MTMR2: variants seen among roughly 807,000 people sequenced by gnomAD.
The protein encoded by MTMR2 is phosphatidylinositol-3,5-bisphosphate 3-phosphatase MTMR2.
A neutral mutation model predicts 86.9 loss-of-function variants in MTMR2; 55 were observed. The observed-to-expected ratio is 0.63, with a 90% confidence interval of 0.51 to 0.79. The LOEUF (loss-of-function observed/expected upper bound fraction) is 0.79, where lower values mean the gene tolerates loss of function less well. Among genes scored for constraint, MTMR2 ranks in the 30% least tolerant of loss-of-function variants. MTMR2 has a pLI of 0.00. For synonymous variants in MTMR2, 241 were observed against 266.8 expected (o/e 0.90, Z 0.94); for missense variants, 659 against 772.3 (o/e 0.85, Z 1.74).
chr11:95,922,751 C>T (rs184269095), intron 1 of MTMR2, among the ~76,000 whole-genome samples: 70 of 152,278 alleles, frequency 4.6e-4, no homozygotes, highest in African/African-American at 1.6e-3. Flanking sequence ...GCTATGAGTG[C>T]ATATGGCAAT....
At chr11:95,870,783 T>C (rs949432676) in intron 2 of MTMR2, among the ~76,000 whole-genome samples, 2 of 149,128 alleles carry the variant, frequency 1.3e-5, no homozygotes, top group African/African-American at 5.1e-5. Context: ...ATGTGCACAA[T>C]GTGCAGGTTT....
intron 7 of MTMR2, among the ~76,000 whole-genome samples, chr11:95,851,211 C>T (rs919986780): frequency 5.9e-5 from 9 of 151,524 alleles, no homozygotes; most frequent in South Asian, 2.1e-4. Context: ...TACAGCCGTA[C>T]GCCACCATGC....
At chr11:95,921,504 G>C (rs555630347) in intron 1 of MTMR2, among the ~76,000 whole-genome samples, 3 of 152,322 alleles carry the variant, frequency 2.0e-5, no homozygotes, top group African/African-American at 7.2e-5. Flanking sequence ...GACCAAAGCA[G>C]GCCACACTGG....
chr11:95,864,968 A>T (rs901021893), intron 3 of MTMR2, among the ~76,000 whole-genome samples: 2 of 152,154 alleles, frequency 1.3e-5, no homozygotes, highest in Admixed American at 1.3e-4. Context: ...AGAGTTTATG[A>T]GTAGATATCT....
intron 1 of MTMR2, among the ~76,000 whole-genome samples, chr11:95,906,648 G>C (rs564112562): frequency 1.3e-5 from 2 of 152,184 alleles, no homozygotes; most frequent in South Asian, 4.1e-4. Context: ...ATAAAACAAT[G>C]CTCAACAAAT....
At position 95,924,012 on chromosome 11, in the gene MTMR2, G is replaced by A. The variant is rs188381103; in HGVS notation, c.-58C>T. The A allele has an allele frequency of 3.2e-6, 5 of 1,545,386 alleles. No individual in the cohort carries two copies. The highest frequency in any genetic ancestry group is 1.9e-4 in the Middle Eastern group (1 of 5,264). ...AGCAGTCTTCGCGGCTACAGGGCGGGAGAAGCGGAGGGCGGAGTGCTACGG... is the reference window on the plus strand; with the variant it reads ...AGCAGTCTTCGCGGCTACAGGGCGGAAGAAGCGGAGGGCGGAGTGCTACGG... On this transcript the variant is annotated 5_prime_UTR_variant, in exon 1 of 15. Transcript: ENST00000346299.
chr11:95,897,508 T>G (rs1042246528), intron 1 of MTMR2, among the ~76,000 whole-genome samples: 1 of 152,120 alleles, frequency 6.6e-6, no homozygotes, highest in Non-Finnish European at 1.5e-5. Context: ...GGAAATTAAA[T>G]CCAACAACTA....
intron 1 of MTMR2, among the ~76,000 whole-genome samples, chr11:95,921,180 C>G (rs1866907769): frequency 6.6e-6 from 1 of 152,114 alleles, no homozygotes; most frequent in African/African-American, 2.4e-5. Context: ...ATAATTTTTT[C>G]TATAAATAAT....
chr11:95,914,542 T>C (rs370250290), intron 1 of MTMR2, among the ~76,000 whole-genome samples: 1 of 152,096 alleles, frequency 6.6e-6, no homozygotes, highest in Non-Finnish European at 1.5e-5. Flanking sequence ...AATGATACTA[T>C]CCTCTTAATC....
chr11:95,840,121 A>G (rs1863480242), intron 12 of MTMR2: 1 of 152,170 alleles, frequency 6.6e-6, no homozygotes, highest in Non-Finnish European at 1.5e-5. Context: ...GGTTGGCTAT[A>G]GATTATCGTG....
chr11:95,866,004 C>T (rs1864602028), intron 2 of MTMR2, among the ~76,000 whole-genome samples: 1 of 151,978 alleles, frequency 6.6e-6, no homozygotes, highest in African/African-American at 2.4e-5. Flanking sequence ...AAAAAGCAGC[C>T]GAAAGTGGTA....
intron 2 of MTMR2, among the ~76,000 whole-genome samples, chr11:95,880,320 T>A (rs540000038): frequency 2.7e-4 from 41 of 152,182 alleles, no homozygotes; most frequent in African/African-American, 9.9e-4. Flanking sequence ...TTATTGAAAT[T>A]TACTTAGCTA....
rs1212149006 is a variant in MTMR2 at position 95,833,971 on chromosome 11, G to GTGTT, written c.*1315_*1318dup. On this transcript the variant is annotated 3_prime_UTR_variant, in exon 15 of 15. Coordinates refer to ENST00000346299, the MANE Select transcript of MTMR2 (RefSeq NM_016156.6). ...TGTATATTTTAATTGTTTGATTTGG[G>GTGTT]TGTTGGTTAAGGAAAAATGGGTACA... The GTGTT allele has an allele frequency of 3.9e-5, 6 of 152,378 alleles. No individual in the cohort carries two copies. The highest frequency in any genetic ancestry group is 4.1e-4 in the South Asian group (2 of 4,830). The allele number at this position is 152,378 out of a possible 1,614,324, so 9.4% of individuals were successfully genotyped here. A position where few individuals can be genotyped will look rare whatever the true frequency, so the allele number is the denominator to read the frequency against.
intron 3 of MTMR2, among the ~76,000 whole-genome samples, chr11:95,865,146 C>T (rs957476682): frequency 6.6e-5 from 10 of 151,986 alleles, no homozygotes; most frequent in African/African-American, 2.2e-4. Context: ...CAAAAATTAA[C>T]CTGACTTTAT....
chr11:95,920,077 A>G (rs1866858766), intron 1 of MTMR2, among the ~76,000 whole-genome samples: 1 of 152,218 alleles, frequency 6.6e-6, no homozygotes, highest in Admixed American at 6.5e-5. Flanking sequence ...TTTTACCTAT[A>G]TCTTATAAAG....
rs977519776 is a variant in MTMR2 at position 95,833,404 on chromosome 11, T to G, written c.*1886A>C. ...CAATTCAAATATTTAAAAGTTTTGCTTGTGTAAATATATAAAAAGGGCTAG... is the reference window on the plus strand; with the variant it reads ...CAATTCAAATATTTAAAAGTTTTGCGTGTGTAAATATATAAAAAGGGCTAG... On this transcript the variant is annotated 3_prime_UTR_variant, in exon 15 of 15. Coordinates refer to ENST00000346299, the MANE Select transcript of MTMR2 (RefSeq NM_016156.6). 2 of 152,084 alleles carry G rather than the reference T, an allele frequency of 1.3e-5. No individual in the cohort carries two copies. The highest frequency in any genetic ancestry group is 2.9e-5 in the Non-Finnish European group (2 of 68,000). 9.4% of individuals were successfully genotyped at this position (152,084 alleles called of 1,614,324 possible).
chr11:95,914,366 A>C lies in MTMR2; in HGVS notation c.80+9509T>G, dbSNP rs1866622664. ...GAATTCAGAAATTTAAGGAACCCTA[A>C]AATATTCTAAATCATTGTGCAAAGC... On this transcript the variant is annotated intron_variant, in intron 1 of 14. Coordinates refer to ENST00000346299, the MANE Select transcript of MTMR2 (RefSeq NM_016156.6). The C allele has an allele frequency of 1.1e-5, 11 of 985,090 alleles. No homozygotes were observed. The South Asian group carries it at 4.2e-4, about 38-fold the overall frequency. 61.0% of individuals were successfully genotyped at this position (985,090 alleles called of 1,614,324 possible).
chr11:95,884,200 T>C (rs1865437778), intron 2 of MTMR2, among the ~76,000 whole-genome samples: 1 of 152,210 alleles, frequency 6.6e-6, no homozygotes, highest in African/African-American at 2.4e-5. Flanking sequence ...TTATGGCTGC[T>C]AAAGGTATAC....
At chr11:95,887,846 A>G (rs978337884) in intron 2 of MTMR2, 1 of 340,992 alleles carries the variant, frequency 2.9e-6, no homozygotes, top group Non-Finnish European at 5.6e-6. Flanking sequence ...CACAGTACAT[A>G]TTCAATAAAT....
Sources: gnomAD v4.1 joint callset for allele counts (sites outside exome capture counted in the v4.1 genomes callset) on GRCh38, gnomAD v4.1.1 for gene constraint, MANE v1.5 for transcripts, NCBI Gene and HGNC (gene_info 2026-07-23, HGNC 2026-07-21) for gene names.